KIF20B: variants seen among roughly 807,000 people sequenced by gnomAD.
The protein encoded by KIF20B is kinesin-like protein KIF20B.
KIF20B carries 188 observed loss-of-function variants against 232.5 expected under a neutral mutation model. That is an observed-to-expected ratio of 0.81 (90% CI 0.72 to 0.91). The LOEUF is 0.91. Among genes scored for constraint, KIF20B ranks in the 40% least tolerant of loss-of-function variants. KIF20B has a pLI of 0.00. For missense variants in KIF20B, 2,154 were observed against 2,055.9 expected, an observed-to-expected ratio of 1.05 and a Z score of -0.92; for synonymous variants, 712 against 683.0, an observed-to-expected ratio of 1.04 and a Z score of -0.66.
intron 23 of KIF20B, among the ~76,000 whole-genome samples, chr10:89,750,827 A>T (rs138394407): frequency 6.6e-6 from 1 of 152,172 alleles, no homozygotes; most frequent in Non-Finnish European, 1.5e-5. Context: ...TAAAAATTTA[A>T]AATAGAAACA....
intron 29 of KIF20B, 21 bp downstream of exon 29, chr10:89,762,856 T>C: frequency 1.3e-6 from 2 of 1,489,700 alleles, no homozygotes. Context: ...AAGTGATGAG[T>C]AAATTTAATG....
At chr10:89,710,222 T>C in intron 5 of KIF20B, among the ~76,000 whole-genome samples, 157 bp downstream of exon 5, 1 of 151,462 alleles carries the variant, frequency 6.6e-6, no homozygotes, top group African/African-American at 2.4e-5. Flanking sequence ...GCTGTTTTTT[T>C]TTTTTTTTGG....
rs573851095 is a variant in KIF20B at position 89,772,706 on chromosome 10, A to G, written c.5260A>G (p.Thr1754Ala). 3 of 1,578,924 alleles carry G rather than the reference A, an allele frequency of 1.9e-6. No individual in the cohort carries two copies. The highest frequency in any genetic ancestry group is 2.6e-6 in the Non-Finnish European group (3 of 1,162,104). The change falls in exon 32 of 33, where the codon ACA (threonine) becomes GCA (alanine). Residue 1754 changes from threonine (T) to alanine (A), a missense_variant. Transcript: ENST00000371728. ...TTTTATAGCAAAGAAGATAATTGAA[A>G]CAATGAGCTCTTCAAAGCTCTCAAA... is the stretch of plus-strand genomic sequence containing the variant. Reference protein sequence around the residue: ...LQSKAKKIIETMSSSKLSNVE... With the variant: ...LQSKAKKIIEAMSSSKLSNVE...
intron 13 of KIF20B, 81 bp downstream of exon 13, chr10:89,719,787 G>GT: frequency 2.5e-6 from 3 of 1,197,724 alleles, no homozygotes; most frequent in Admixed American, 5.0e-5. Context: ...TCTCTCTTCA[G>GT]TTTTTTTCAA....
In KIF20B at chr10:89,709,529, A is replaced by G. The variant is rs41286896; in HGVS notation, c.351+68A>G. The G allele has an allele frequency of 0.019, 18,397 of 946,562 alleles. 216 individuals carry two copies. The highest frequency in any genetic ancestry group is 0.024 in the Non-Finnish European group (14,138 of 592,464). The allele number at this position is 946,562 out of a possible 1,614,324, so 58.6% of individuals were successfully genotyped here. On this transcript the variant is annotated intron_variant, in intron 4 of 32. Coordinates refer to ENST00000371728, the MANE Select transcript of KIF20B (RefSeq NM_001284259.2). ...GACTTGGCTTAGGCTAAATTGCTATATAATTGTATATAATGAACTATACAT... is the reference window on the plus strand; with the variant it reads ...GACTTGGCTTAGGCTAAATTGCTATGTAATTGTATATAATGAACTATACAT...
intron 4 of KIF20B, 90 bp from the exon 5 acceptor site, chr10:89,709,837 T>A (rs866641676): frequency 1.1e-5 from 11 of 1,032,996 alleles, no homozygotes; most frequent in Non-Finnish European, 1.2e-5. Flanking sequence ...ATGAATCTTT[T>A]AAATTTTTAA....
Position 89,752,708 on chromosome 10 carries a change from G to T in KIF20B, c.4347+17G>T. On this transcript the variant is annotated intron_variant, in intron 25 of 32. Coordinates refer to ENST00000371728, the MANE Select transcript of KIF20B (RefSeq NM_001284259.2). The stretch of plus-strand genomic sequence containing the variant: ...GAGTTACAGGTATGACTTTATGTAT[G>T]TTTTTATGTATGAATGTATCTGTCT... The T allele has an allele frequency of 6.7e-7, 1 of 1,499,546 alleles. No homozygotes were observed. The highest frequency in any genetic ancestry group is 8.9e-7 in the Non-Finnish European group (1 of 1,123,196). 92.9% of individuals were successfully genotyped at this position (1,499,546 alleles called of 1,614,324 possible). A position where few individuals can be genotyped will look rare whatever the true frequency, so the allele number is the denominator to read the frequency against.
intron 2 of KIF20B, among the ~76,000 whole-genome samples, chr10:89,707,213 A>C (rs1006052478): frequency 6.6e-6 from 1 of 152,182 alleles, no homozygotes; most frequent in Non-Finnish European, 1.5e-5. Context: ...TATATTTTAG[A>C]TACGCAGTTT....
chr10:89,770,607 T>A (rs1189439275), intron 31 of KIF20B, among the ~76,000 whole-genome samples: 1 of 152,052 alleles, frequency 6.6e-6, no homozygotes, highest in Non-Finnish European at 1.5e-5. Flanking sequence ...ACATACATTT[T>A]TTTTTTCCTT....
Position 89,710,996 on chromosome 10 carries a change from TTGAA to T in KIF20B, c.529_532del (p.Asn177TyrfsTer14). On this transcript the variant is annotated frameshift_variant, in exon 6 of 33. Transcript: ENST00000371728. LOFTEE classifies it high-confidence loss of function. ...AAATATTGGCATTCTGCCTCGAACT[TTGAA>T]TGTATTATTTGATAGTCTTCAAGAA... 1 of 1,606,828 alleles carries T rather than the reference TTGAA, an allele frequency of 6.2e-7. No individual in the cohort carries two copies. The highest frequency in any genetic ancestry group is 8.5e-7 in the Non-Finnish European group (1 of 1,177,868).
intron 9 of KIF20B, 60 bp from the exon 10 acceptor site, chr10:89,717,364 C>T: frequency 1.9e-6 from 2 of 1,033,368 alleles, no homozygotes; most frequent in South Asian, 2.9e-5. Context: ...ATACTTGTCT[C>T]TCCTATTTAG....
At chr10:89,745,437 C>T (rs1346967181) in intron 22 of KIF20B, among the ~76,000 whole-genome samples, 1 of 152,102 alleles carries the variant, frequency 6.6e-6, no homozygotes, top group Non-Finnish European at 1.5e-5. Flanking sequence ...GCAGGAGAAT[C>T]GCTTGAACCC....
intron 29 of KIF20B, among the ~76,000 whole-genome samples, chr10:89,764,597 G>A (rs1278663355): frequency 1.3e-5 from 2 of 152,144 alleles, no homozygotes; most frequent in Non-Finnish European, 2.9e-5. Flanking sequence ...TCTAACTGGT[G>A]TGAGATGGTA....
At chr10:89,770,798 T>C (rs1842446848) in intron 31 of KIF20B, among the ~76,000 whole-genome samples, 1 of 152,042 alleles carries the variant, frequency 6.6e-6, no homozygotes, top group South Asian at 2.1e-4. Context: ...TTAGTATCAC[T>C]GGTCTCCCAG....
rs557803613 is a variant in KIF20B at position 89,752,241 on chromosome 10, C to CT, written c.4223-322dup. ...GACAGTGAGTCTGTGTGACTTCATACTTTTCTAGCCACTTTCATGGGCATA... is the reference window on the plus strand; with the variant it reads ...GACAGTGAGTCTGTGTGACTTCATACTTTTTCTAGCCACTTTCATGGGCATA... On this transcript the variant is annotated intron_variant, in intron 24 of 32. Transcript: ENST00000371728. Among the ~76,000 whole-genome samples, 31 of 152,140 alleles carry CT rather than the reference C, an allele frequency of 2.0e-4. No homozygotes were observed. The South Asian group carries it at 6.4e-3, about 32-fold the overall frequency.
intron 19 of KIF20B, among the ~76,000 whole-genome samples, chr10:89,736,358 CTA>C (rs10542296): frequency 0.31 from 46,839 of 151,780 alleles, 8,100 homozygotes; most frequent in African/African-American, 0.46. Flanking sequence ...ATCATGGAAT[CTA>C]TGAGGAAAGT....
chr10:89,727,978 TA>T (rs571224909), intron 17 of KIF20B, 82 bp downstream of exon 17: 1 of 1,239,354 alleles, frequency 8.1e-7, no homozygotes. Context: ...TTGTTTATTT[TA>T]AAAAATAATT....
intron 2 of KIF20B, among the ~76,000 whole-genome samples, chr10:89,707,215 A>G (rs932953758): frequency 2.6e-5 from 4 of 152,196 alleles, no homozygotes; most frequent in Non-Finnish European, 4.4e-5. Flanking sequence ...TATTTTAGAT[A>G]CGCAGTTTGA....
chr10:89,706,702 G>T (rs1174264721), intron 2 of KIF20B, among the ~76,000 whole-genome samples: 7 of 150,582 alleles, frequency 4.6e-5, no homozygotes, highest in African/African-American at 1.7e-4. Context: ...TTTCCCTGTT[G>T]TTTTGGTGCT....
Sources: gnomAD v4.1 joint callset for allele counts (sites outside exome capture counted in the v4.1 genomes callset) on GRCh38, gnomAD v4.1.1 for gene constraint, MANE v1.5 for transcripts, NCBI Gene and HGNC (gene_info 2026-07-23, HGNC 2026-07-21) for gene names.